The following EXD3 variants were observed in gnomAD, a reference collection of about 807,000 sequenced individuals.
EXD3 encodes exonuclease mut-7 homolog.
EXD3 carries 92 observed loss-of-function variants against 98.0 expected under a neutral mutation model. The observed-to-expected ratio is 0.94, with a 90% CI of 0.79 to 1.12. The LOEUF (loss-of-function observed/expected upper bound fraction) is 1.12, where lower values mean the gene tolerates loss of function less well. Among genes scored for constraint, EXD3 ranks in the 50% most tolerant of loss-of-function variants. EXD3 has a pLI of 0.00. For missense variants in EXD3, 1,222 were observed against 1,191.6 expected, an observed-to-expected ratio of 1.03 and a Z score of -0.38; for synonymous variants, 569 against 526.0, an observed-to-expected ratio of 1.08 and a Z score of -1.12.
Position 137,307,153 on chromosome 9 carries a change from GGGTGCCGTCGGCCAGCATGTCC to G in EXD3, c.2406_2427del (p.Asp803GlyfsTer12). On this transcript the variant is annotated frameshift_variant, in exon 22 of 22. Coordinates refer to ENST00000340951, the MANE Select transcript of EXD3 (RefSeq NM_017820.5). LOFTEE classifies it low-confidence loss of function (END_TRUNC). Reference sequence around the variant, plus strand: ...ACCGGGACCCCTGCCAGCTGCAGCCGGGTGCCGTCGGCCAGCATGTCCGGTGTCTCCGCCCGCAGGTCAGCCA... The same window carrying G: ...ACCGGGACCCCTGCCAGCTGCAGCCGGGTGTCTCCGCCCGCAGGTCAGCCA... 1 of 1,591,518 alleles carries G rather than the reference GGGTGCCGTCGGCCAGCATGTCC, an allele frequency of 6.3e-7. No homozygotes were observed. Among genetic ancestry groups the G allele is most frequent in the Non-Finnish European group, 8.5e-7 (1 of 1,170,234 alleles).
intron 7 of EXD3, 84 bp from the exon 8 acceptor site, chr9:137,356,452 A>T (rs1243856552): frequency 1.5e-5 from 14 of 922,846 alleles, no homozygotes; most frequent in African/African-American, 1.6e-5. Context: ...AGTCATATGC[A>T]TGCATAGTTT....
At chr9:137,416,006 T>C (rs143327468) in intron 1 of EXD3, among the ~76,000 whole-genome samples, 1,658 of 152,302 alleles carry the variant, frequency 0.011, 22 homozygotes, top group African/African-American at 0.037. Context: ...TACTACACAA[T>C]GTATACACCC....
At chr9:137,346,786 C>G (rs1833959937) in intron 17 of EXD3, among the ~76,000 whole-genome samples, 2 of 152,134 alleles carry the variant, frequency 1.3e-5, no homozygotes, top group African/African-American at 2.4e-5. Context: ...TACACCAGCA[C>G]CCCACTCCTG....
intron 17 of EXD3, among the ~76,000 whole-genome samples, chr9:137,331,485 T>C (rs1833060178): frequency 6.6e-6 from 1 of 152,132 alleles, no homozygotes; most frequent in East Asian, 1.9e-4. Flanking sequence ...TCTCTGCCAA[T>C]GTTATGACTG....
rs1393111776 is a variant in EXD3, at chr9:137,391,642, G to A, written c.55+3661C>T. Among the ~76,000 whole-genome samples the A allele has an allele frequency of 3.6e-5, 4 of 112,384 alleles. No individual in the cohort carries two copies. In the East Asian group the frequency reaches 1.2e-3, roughly 35 times the overall value. 73.7% of individuals were successfully genotyped at this position (112,384 alleles called of 152,430 possible). A position where few individuals can be genotyped will look rare whatever the true frequency, so the allele number is the denominator to read the frequency against. On this transcript the variant is annotated intron_variant, in intron 2 of 21. Transcript: ENST00000340951. ...GCCAGAGGGCCGGCCTCCCTGCCCC[G>A]CCCCGCCCCGCCTCGCCGACCGCCG... is the stretch of plus-strand genomic sequence containing the variant.
Position 137,354,779 on chromosome 9 carries a change from A to G in EXD3, c.758-6T>C. On this transcript the variant is annotated splice_polypyrimidine_tract_variant and splice_region_variant and intron_variant, in intron 8 of 21. Coordinates refer to ENST00000340951, the MANE Select transcript of EXD3 (RefSeq NM_017820.5). ...GGCCGCGTTGGGACACAGCGCTGAA[A>G]GGAAAGGCCAGCTCAGCACTGAGGG... 6.2e-7 allele frequency: 1 copy of G among 1,608,268 alleles called. No individual in the cohort carries two copies. Among genetic ancestry groups the G allele is most frequent in the Non-Finnish European group, 8.5e-7 (1 of 1,179,096 alleles).
chr9:137,352,243 C>T lies in EXD3; in HGVS notation c.1038-42G>A, dbSNP rs775884276. On this transcript the variant is annotated intron_variant, in intron 11 of 21. Transcript: ENST00000340951. ...TGGTAGCGCCCCCATGTCCCTGGTC[C>T]CCCACCCACTCTGACCTCGGAGCAG... 4.3e-6 allele frequency: 7 copies of T among 1,610,260 alleles called. No individual in the cohort carries two copies. The South Asian group carries it at 5.5e-5, about 13-fold the overall frequency.
chr9:137,332,604 G>A (rs141385233), intron 17 of EXD3, among the ~76,000 whole-genome samples: 444 of 151,976 alleles, frequency 2.9e-3, no homozygotes, highest in African/African-American at 0.01. Context: ...AGCACTTTGG[G>A]AGGCCAAGGC....
At chr9:137,373,734 G>A (rs983387947) in intron 3 of EXD3, 135 bp from the exon 4 acceptor site, 16 of 979,276 alleles carry the variant, frequency 1.6e-5, no homozygotes, top group African/African-American at 1.2e-4. Flanking sequence ...CGCCATCTGC[G>A]CCTCCGTGAC....
chr9:137,308,201 G>A (rs571896353), intron 20 of EXD3, among the ~76,000 whole-genome samples: 5 of 152,284 alleles, frequency 3.3e-5, no homozygotes, highest in African/African-American at 7.2e-5. Flanking sequence ...CACGGTAGCC[G>A]AGGGAACACT....
At chr9:137,320,589 A>T (rs1831979217) in intron 19 of EXD3, among the ~76,000 whole-genome samples, 1 of 152,160 alleles carries the variant, frequency 6.6e-6, no homozygotes, top group Non-Finnish European at 1.5e-5. Flanking sequence ...GCAAAGAGGC[A>T]GGGCGGACAT....
intron 17 of EXD3, among the ~76,000 whole-genome samples, chr9:137,337,378 T>C (rs765404133): frequency 2.0e-5 from 3 of 152,006 alleles, no homozygotes; most frequent in Non-Finnish European, 2.9e-5. Context: ...TTAGGCTGGG[T>C]GCGGTGGCTC....
chr9:137,334,230 G>A (rs1411495294), intron 17 of EXD3, among the ~76,000 whole-genome samples: 3 of 152,136 alleles, frequency 2.0e-5, no homozygotes, highest in African/African-American at 4.8e-5. Flanking sequence ...TCGAACGCCC[G>A]ACCTCAGGTA....
At chr9:137,331,806 C>T (rs1833075841) in intron 17 of EXD3, among the ~76,000 whole-genome samples, 1 of 152,074 alleles carries the variant, frequency 6.6e-6, no homozygotes, top group Non-Finnish European at 1.5e-5. Context: ...GTCCCAGCTA[C>T]TCAGGAGGCT....
chr9:137,351,222 C>G (rs574380264), intron 13 of EXD3, 75 bp from the exon 14 acceptor site: 23 of 1,521,470 alleles, frequency 1.5e-5, no homozygotes, highest in Non-Finnish European at 2.0e-5. Context: ...AGGGTGCACC[C>G]AGCACCCTCC....
At position 137,368,677 on chromosome 9, in the gene EXD3, A is replaced by G. The variant is rs79315835; in HGVS notation, c.463-688T>C. ...GCCCCGCCCCCGCGCAGCCCAGAGA[A>G]AGGACCAAAATAGCGGCCTGGGAAA... On this transcript the variant is annotated intron_variant, in intron 5 of 21. Coordinates refer to ENST00000340951, the MANE Select transcript of EXD3 (RefSeq NM_017820.5). Among the ~76,000 whole-genome samples, 11 of 152,354 alleles carry G rather than the reference A, an allele frequency of 7.2e-5. No individual in the cohort carries two copies. In the East Asian group the frequency reaches 2.1e-3, roughly 29 times the overall value.
intron 8 of EXD3, among the ~76,000 whole-genome samples, chr9:137,355,432 G>C (rs1588334944): frequency 6.9e-6 from 1 of 145,810 alleles, no homozygotes; most frequent in African/African-American, 2.7e-5. Flanking sequence ...GGAGGAAGGA[G>C]GATGGAGGAA....
chr9:137,414,881 G>A (rs1838164119), intron 1 of EXD3, among the ~76,000 whole-genome samples: 1 of 152,108 alleles, frequency 6.6e-6, no homozygotes, highest in African/African-American at 2.4e-5. Context: ...TTTTTGAGAT[G>A]GAGTCTCGCT....
chr9:137,367,124 C>T (rs982867281), intron 6 of EXD3, among the ~76,000 whole-genome samples: 1 of 152,220 alleles, frequency 6.6e-6, no homozygotes, highest in African/African-American at 2.4e-5. Flanking sequence ...AGACAACGCC[C>T]CTCGAAGAAG....
Sources: allele counts gnomAD v4.1 joint callset (sites outside exome capture counted in the v4.1 genomes callset), GRCh38; gene constraint gnomAD v4.1.1; transcripts MANE v1.5; gene names NCBI Gene and HGNC (gene_info 2026-07-23, HGNC 2026-07-21).